Variants in GSE1 observed in about 807,000 individuals in gnomAD.
GSE1 encodes the protein Gse1 coiled-coil protein.
Under a neutral mutation model 112.6 loss-of-function variants are expected in GSE1, and 32 were observed. The ratio of observed to expected loss-of-function variants is 0.28; its 90% confidence interval spans 0.21 to 0.38. The LOEUF (loss-of-function observed/expected upper bound fraction) is 0.38, where lower values mean the gene tolerates loss of function less well. Ranked by LOEUF, GSE1 falls within the 10% of genes least tolerant of loss-of-function variation. The pLI, the probability that GSE1 is intolerant of heterozygous loss-of-function variation, is 1.00. For missense variants in GSE1, 2,348 were observed against 1,699.2 expected (o/e 1.38, Z -6.71); for synonymous variants, 1,115 against 735.6 (o/e 1.52, Z -8.35).
chr16:85,507,196 A>G (rs1020261555), intron 2 of GSE1, among the ~76,000 whole-genome samples: 5 of 152,156 alleles, frequency 3.3e-5, no homozygotes, highest in South Asian at 4.1e-4. Context: ...CTATCCATGT[A>G]TTCATCTAGA....
chr16:85,246,494 CT>C (rs1905830241), intron 1 of GSE1, among the ~76,000 whole-genome samples: 5 of 79,722 alleles, frequency 6.3e-5, no homozygotes, highest in Non-Finnish European at 5.9e-5. Context: ...CACACACACT[CT>C]ACACACCCCC....
At chr16:85,409,313 C>CT (rs778850012) in intron 2 of GSE1, among the ~76,000 whole-genome samples, 17 of 37,302 alleles carry the variant, frequency 4.6e-4, no homozygotes, top group Non-Finnish European at 7.7e-4. Context: ...CAGGGCCCCC[C>CT]GGATAATCCT....
exon 1 of GSE1, chr16:85,170,932 G>C (rs1172182114): frequency 1.0e-6 from 1 of 985,472 alleles, no homozygotes; most frequent in Admixed American, 6.1e-5. Context: ...CCCGAGGGAA[G>C]AGGGCCTGCC....
chr16:85,237,022 G>A (rs1313388616), intron 1 of GSE1, among the ~76,000 whole-genome samples: 3 of 152,226 alleles, frequency 2.0e-5, no homozygotes, highest in Non-Finnish European at 4.4e-5. Context: ...GAGGATGAAA[G>A]AGACTTCCAG....
intron 1 of GSE1, among the ~76,000 whole-genome samples, chr16:85,348,153 A>G (rs1045108209): frequency 6.6e-6 from 1 of 152,108 alleles, no homozygotes; most frequent in Non-Finnish European, 1.5e-5. Flanking sequence ...CCTGTCCTCC[A>G]TCCATCCATC....
chr16:85,672,413 G>A lies in GSE1; in HGVS notation c.3528G>A (p.Arg1176=), dbSNP rs1025222989. 8 of 1,611,522 alleles carry A rather than the reference G, an allele frequency of 5.0e-6. No individual in the cohort carries two copies. The highest frequency in any genetic ancestry group is 6.8e-6 in the Non-Finnish European group (8 of 1,178,194). ...AATTTCCCTCTCTCCAGGAGTTGAGGAGCCAGAAACAGAAGATGGTCTCAG... is the reference window on the plus strand; with the variant it reads ...AATTTCCCTCTCTCCAGGAGTTGAGAAGCCAGAAACAGAAGATGGTCTCAG... ...EQLSHSVAEL[R]SQKQKMVSER... The change falls in exon 16 of 16, where the codon AGG becomes AGA. Residue 1176 remains arginine (R), a synonymous_variant. Coordinates refer to ENST00000253458, the MANE Select transcript of GSE1 (RefSeq NM_014615.5).
At chr16:85,308,234 A>G (rs1202831422) in intron 1 of GSE1, among the ~76,000 whole-genome samples, 5 of 152,202 alleles carry the variant, frequency 3.3e-5, no homozygotes, top group Non-Finnish European at 1.5e-5. Context: ...AAGACCACCT[A>G]GCTGGAATCT....
chr16:85,505,285 G>C (rs561168845), intron 2 of GSE1, among the ~76,000 whole-genome samples: 2 of 152,158 alleles, frequency 1.3e-5, no homozygotes, highest in African/African-American at 4.8e-5. Context: ...CCTGCCATGC[G>C]ATCAGGGACA....
chr16:85,621,204 C>G (rs1394418856), intron 1 of GSE1, among the ~76,000 whole-genome samples: 1 of 151,398 alleles, frequency 6.6e-6, no homozygotes, highest in African/African-American at 2.4e-5. Flanking sequence ...TGTAGATGGT[C>G]TTGGCCCTGG....
intron 1 of GSE1, among the ~76,000 whole-genome samples, chr16:85,577,759 T>G (rs969323210): frequency 1.5e-4 from 23 of 152,312 alleles, no homozygotes; most frequent in Admixed American, 1.2e-3. Context: ...CCAGGAGTTT[T>G]AGGAAGAAGC....
At chr16:85,236,128 G>A (rs1904635733) in intron 1 of GSE1, among the ~76,000 whole-genome samples, 1 of 152,126 alleles carries the variant, frequency 6.6e-6, no homozygotes, top group South Asian at 2.1e-4. Flanking sequence ...TGTAAGCTGG[G>A]CCACCGGACC....
chr16:85,470,292 G>T (rs994652202), intron 2 of GSE1, among the ~76,000 whole-genome samples: 4 of 152,222 alleles, frequency 2.6e-5, no homozygotes, highest in Non-Finnish European at 5.9e-5. Flanking sequence ...CACTGACTTG[G>T]AGTGCCTCTG....
At chr16:85,636,774 C>G (rs1193427553) in intron 2 of GSE1, among the ~76,000 whole-genome samples, 3 of 152,208 alleles carry the variant, frequency 2.0e-5, no homozygotes, top group Non-Finnish European at 2.9e-5. Flanking sequence ...CCCCCTCACC[C>G]CTAGCACCAC....
At chr16:85,185,695 G>A (rs145951521) in intron 1 of GSE1, among the ~76,000 whole-genome samples, 47 of 152,334 alleles carry the variant, frequency 3.1e-4, no homozygotes, top group Admixed American at 1.2e-3. Flanking sequence ...GGCTCCCCTG[G>A]TCTGTGTGGG....
At chr16:85,348,343 C>G (rs71372905) in intron 1 of GSE1, among the ~76,000 whole-genome samples, 1,575 of 152,124 alleles carry the variant, frequency 0.01, 11 homozygotes, top group Non-Finnish European at 0.02. Context: ...ATCCATCTGT[C>G]CATTCAGTCC....
chr16:85,240,228 A>G (rs374326996), intron 1 of GSE1, among the ~76,000 whole-genome samples: 2 of 152,210 alleles, frequency 1.3e-5, no homozygotes, highest in South Asian at 4.1e-4. Flanking sequence ...GTGGGTGCCC[A>G]GGGTGTTCTC....
chr16:85,651,026 G>GCTCCTCCCGCTCCCCCTCCGCCC (rs2051293593), intron 3 of GSE1, among the ~76,000 whole-genome samples: 1 of 109,302 alleles, frequency 9.1e-6, no homozygotes, highest in Non-Finnish European at 2.0e-5. Flanking sequence ...TGACGGATTT[G>GCTCCTCCCGCTCCCCCTCCGCCC]CTCCTCCCCC....
intron 2 of GSE1, among the ~76,000 whole-genome samples, chr16:85,494,936 A>G (rs922132512): frequency 2.1e-5 from 3 of 145,884 alleles, no homozygotes; most frequent in African/African-American, 7.8e-5. Context: ...GGCTTTCTGC[A>G]TCGGACTCCT....
chr16:85,388,292 G>GTGGATGGA (rs760888229), intron 2 of GSE1, among the ~76,000 whole-genome samples: 1,085 of 47,656 alleles, frequency 0.023, 266 homozygotes, highest in Admixed American at 0.1. Flanking sequence ...GGATGGGTGG[G>GTGGATGGA]TGGATGGATG....
Sources: allele counts gnomAD v4.1 joint callset (sites outside exome capture counted in the v4.1 genomes callset), GRCh38; gene constraint gnomAD v4.1.1; transcripts MANE v1.5; gene names NCBI Gene and HGNC (gene_info 2026-07-23, HGNC 2026-07-21).